ANKRD13B: variants seen among roughly 807,000 people sequenced by gnomAD.
ANKRD13B encodes the protein ankyrin repeat domain 13B.
A neutral mutation model predicts 74.4 loss-of-function variants in ANKRD13B; 33 were observed. The ratio of observed to expected loss-of-function variants is 0.44; its 90% CI spans 0.34 to 0.59. The LOEUF is 0.59. Among genes scored for constraint, ANKRD13B ranks in the 20% least tolerant of loss-of-function variants. The probability of loss-of-function intolerance (pLI) is 0.02; values close to 1 mark genes in which losing one functional copy is unlikely to be tolerated. For missense variants in ANKRD13B, 676 were observed against 877.9 expected, an observed-to-expected ratio of 0.77 and a Z score of 2.91; for synonymous variants, 341 against 362.9, an observed-to-expected ratio of 0.94 and a Z score of 0.68.
chr17:29,610,615 A>G, intron 7 of ANKRD13B, 70 bp from the exon 8 acceptor site: 1 of 1,435,692 alleles, frequency 7.0e-7, no homozygotes, highest in Non-Finnish European at 9.6e-7. Context: ...GAGTGTTCCC[A>G]GTGCCCTTAG....
intron 1 of ANKRD13B, among the ~76,000 whole-genome samples, chr17:29,595,460 C>T (rs984233580): frequency 6.6e-6 from 1 of 152,216 alleles, no homozygotes; most frequent in Non-Finnish European, 1.5e-5. Context: ...GGTCCTTTTA[C>T]TGCAGAGACT....
At position 29,609,094 on chromosome 17, in the gene ANKRD13B, G is replaced by A. The variant is rs758423328; in HGVS notation, c.574G>A (p.Ala192Thr). ...SFVFRGQDTSAVVMEIDHDRR... is the reference protein window; with the variant it reads ...SFVFRGQDTSTVVMEIDHDRR... ...TGTTCCGTGTCTGGCAGACACAAGC[G>A]CCGTGGTCATGGAGATTGACCACGA... The change falls in exon 6 of 15, where the codon GCC becomes ACC. Residue 192 changes from alanine to threonine, a missense_variant. Ala to Thr is a moderately conservative substitution (Grantham distance 58, BLOSUM62 0). Coordinates refer to ENST00000394859, the MANE Select transcript of ANKRD13B (RefSeq NM_152345.5). This position sits in a 1 kb window ranked among gnomAD's most constrained non-coding sequence, Gnocchi z 4.0. The A allele has an allele frequency of 6.8e-6, 11 of 1,610,408 alleles. No homozygotes were observed. Among genetic ancestry groups the A allele is most frequent in the Admixed American group, 1.7e-5 (1 of 59,998 alleles).
At position 29,609,118 on chromosome 17, in the gene ANKRD13B, G is replaced by A. The variant is rs546096254; in HGVS notation, c.598G>A (p.Asp200Asn). The A allele has an allele frequency of 4.3e-6, 7 of 1,611,048 alleles. No individual in the cohort carries two copies. The highest frequency in any genetic ancestry group is 2.2e-5 in the East Asian group (1 of 44,878). Residue 200 changes from aspartate to asparagine, a missense_variant, in exon 6 of 15, where the codon GAC (aspartate) becomes AAC (asparagine). By Grantham distance (23) the Asp-to-Asn change is conservative (BLOSUM62 1). Coordinates refer to ENST00000394859, the MANE Select transcript of ANKRD13B (RefSeq NM_152345.5). This position sits in a 1 kb window ranked among gnomAD's most constrained non-coding sequence, Gnocchi z 4.0. ...CGCCGTGGTCATGGAGATTGACCAC[G>A]ACCGCCGGGTGGTGTACACAGAGAC... ...TSAVVMEIDHDRRVVYTETLA... is the reference protein window; with the variant it reads ...TSAVVMEIDHNRRVVYTETLA...
In ANKRD13B at chr17:29,612,305, G is replaced by A. The variant is rs772449873; in HGVS notation, c.1258+32G>A. On this transcript the variant is annotated intron_variant, in intron 11 of 14. Coordinates refer to ENST00000394859, the MANE Select transcript of ANKRD13B (RefSeq NM_152345.5). The surrounding 1 kb of genome is among the most constrained non-coding windows in gnomAD (Gnocchi z 6.1). ...CCGCACGGCCATTTCTCCTGAGCCC[G>A]TGGCGGGCCGACCGGGGTTTAGATG... 3.7e-6 allele frequency: 6 copies of A among 1,612,686 alleles called. No homozygotes were observed. Among genetic ancestry groups the A allele is most frequent in the African/African-American group, 2.7e-5 (2 of 74,892 alleles).
intron 1 of ANKRD13B, among the ~76,000 whole-genome samples, chr17:29,603,029 T>G (rs2034238060): frequency 6.6e-6 from 1 of 152,028 alleles, no homozygotes; most frequent in South Asian, 2.1e-4. Flanking sequence ...TTTTGTATTT[T>G]TAGTAAAAAT....
chr17:29,594,241 C>A lies in ANKRD13B; in HGVS notation c.114+506C>A, dbSNP rs538454168. Among the ~76,000 whole-genome samples the A allele has an allele frequency of 9.8e-5, 15 of 152,340 alleles. No individual in the cohort carries two copies. The South Asian group carries it at 2.7e-3, about 27-fold the overall frequency. ...TCTCAAACTGGGCAGATCCTTGGAT[C>A]TCTCAGAGCCCAGCCCCAGCTCAGG... is the stretch of plus-strand genomic sequence containing the variant. On this transcript the variant is annotated intron_variant, in intron 1 of 14. Coordinates refer to ENST00000394859, the MANE Select transcript of ANKRD13B (RefSeq NM_152345.5).
At chr17:29,605,199 A>T (rs575443818) in intron 1 of ANKRD13B, among the ~76,000 whole-genome samples, 2 of 152,092 alleles carry the variant, frequency 1.3e-5, no homozygotes, top group Admixed American at 1.3e-4. Flanking sequence ...TCCTGTCTCC[A>T]TCTTCTCAAC....
At chr17:29,599,870 T>TG (rs1567786145) in intron 1 of ANKRD13B, among the ~76,000 whole-genome samples, 6 of 111,686 alleles carry the variant, frequency 5.4e-5, no homozygotes, top group East Asian at 2.2e-4. Context: ...AATTTGTTTT[T>TG]TTTTTTTTTT....
Position 29,612,527 on chromosome 17 carries a change from T to G in ANKRD13B, c.1384T>G (p.Ser462Ala). The change falls in exon 12 of 15, where the codon TCC becomes GCC. Residue 462 changes from serine to alanine, a missense_variant. Ser to Ala is a moderately conservative substitution (Grantham distance 99). Around this residue, in one of 4 missense-constraint regions of ANKRD13B, gnomAD observed 152 missense variants for 181.4 expected, o/e 0.84. Transcript: ENST00000394859. The surrounding 1 kb of genome is among the most constrained non-coding windows in gnomAD (Gnocchi z 6.1). ...GACGCCTTCCCCAGGCAGCGACTCC[T>G]CCAGCGTCAGCAGCTCCAGCTCCAC... ...SETPSPGSDSSSVSSSSSTTS... is the reference protein window; with the variant it reads ...SETPSPGSDSASVSSSSSTTS... 6.5e-7 allele frequency: 1 copy of G among 1,529,498 alleles called. No homozygotes were observed. The highest frequency in any genetic ancestry group is 2.0e-5 in the Admixed American group (1 of 49,940). 94.7% of individuals were successfully genotyped at this position (1,529,498 alleles called of 1,614,324 possible). A position where few individuals can be genotyped will look rare whatever the true frequency, so the allele number is the denominator to read the frequency against.
At chr17:29,600,733 G>A (rs1371107621) in intron 1 of ANKRD13B, among the ~76,000 whole-genome samples, 1 of 152,040 alleles carries the variant, frequency 6.6e-6, no homozygotes, top group Non-Finnish European at 1.5e-5. Context: ...TTTCAGGGGG[G>A]CTGGGGGTCA....
Position 29,613,373 on chromosome 17 carries a change from C to T in ANKRD13B, c.1672C>T (p.Gln558Ter), listed in dbSNP as rs1415693264. Residue 558 changes from glutamine (Q) to a stop codon, truncating the protein, a stop_gained, in exon 15 of 15, where the codon CAG becomes TAG. Transcript: ENST00000394859. LOFTEE classifies it high-confidence loss of function. ...RQDRSAPPTP[Q>*]RQPAPPASVP... is the part of the protein sequence containing the mutation. ...CCCCAGGAGCGCCCCGCCCACGCCG[C>T]AGCGCCAGCCTGCGCCCCCGGCGTC... is the stretch of plus-strand genomic sequence containing the variant. 26 of 1,473,472 alleles carry T rather than the reference C, an allele frequency of 1.8e-5. No individual in the cohort carries two copies. Among genetic ancestry groups the T allele is most frequent in the Non-Finnish European group, 2.3e-5 (26 of 1,119,514 alleles). The allele number at this position is 1,473,472 out of a possible 1,614,324, so 91.3% of individuals were successfully genotyped here.
In ANKRD13B at chr17:29,611,589, A is replaced by G; in HGVS notation, c.915A>G (p.Thr305=). 1 of 1,614,114 alleles carries G rather than the reference A, an allele frequency of 6.2e-7. No individual in the cohort carries two copies. Among genetic ancestry groups the G allele is most frequent in the Non-Finnish European group, 8.5e-7 (1 of 1,179,998 alleles). ...QHKGKVKGCK[T]PLQSFLGIAE... Reference sequence around the variant, plus strand: ...CCACATTTCTTGTAGGCTGTAAGACACCTTTGCAGTCCTTCCTGGGAATCG... The same window carrying G: ...CCACATTTCTTGTAGGCTGTAAGACGCCTTTGCAGTCCTTCCTGGGAATCG... The change falls in exon 9 of 15, where the codon ACA becomes ACG. Residue 305 remains threonine (T), a synonymous_variant. Coordinates refer to ENST00000394859, the MANE Select transcript of ANKRD13B (RefSeq NM_152345.5). The surrounding 1 kb of genome is among the most constrained non-coding windows in gnomAD (Gnocchi z 4.3).
rs2033844006 is a variant in ANKRD13B, at chr17:29,593,656, C to G, written c.35C>G (p.Pro12Arg). Residue 12 changes from proline to arginine, a missense_variant, in exon 1 of 15, where the codon CCC becomes CGC. This residue lies in a region of ANKRD13B where 88 missense variants were observed against 87.8 expected (regional missense o/e 1.00). Coordinates refer to ENST00000394859, the MANE Select transcript of ANKRD13B (RefSeq NM_152345.5). ...GCCAACGCCTCCGCCAGGAAGGGGC[C>G]CGAGGGCAAGTATCCGCTGCACTAC... is the stretch of plus-strand genomic sequence containing the variant. Reference protein sequence around the residue: ...IPANASARKGPEGKYPLHYLV... With the variant: ...IPANASARKGREGKYPLHYLV... 7.0e-7 allele frequency: 1 copy of G among 1,424,496 alleles called. No individual in the cohort carries two copies. Among genetic ancestry groups the G allele is most frequent in the South Asian group, 1.4e-5 (1 of 70,068 alleles). 88.2% of individuals were successfully genotyped at this position (1,424,496 alleles called of 1,614,324 possible).
chr17:29,598,415 C>T (rs2034034924), intron 1 of ANKRD13B, among the ~76,000 whole-genome samples: 2 of 152,136 alleles, frequency 1.3e-5, no homozygotes, highest in South Asian at 2.1e-4. Context: ...CCCACCTCCC[C>T]AGCACTCTGG....
In ANKRD13B at chr17:29,612,711, A is replaced by T. The variant is rs1300857880; in HGVS notation, c.1471A>T (p.Met491Leu). ...ALFEAPRGYS[M>L]MGGQREAATR... ...GTTCGAGGCCCCGCGCGGCTACAGCATGATGGGCGGCCAGCGGGAGGCGGC... is the reference window on the plus strand; with the variant it reads ...GTTCGAGGCCCCGCGCGGCTACAGCTTGATGGGCGGCCAGCGGGAGGCGGC... Residue 491 changes from methionine (M) to leucine (L), a missense_variant, in exon 13 of 15, where the codon ATG becomes TTG. By Grantham distance (15) the Met-to-Leu change is conservative. Around this residue, in one of 4 missense-constraint regions of ANKRD13B, gnomAD observed 152 missense variants for 181.4 expected, o/e 0.84. Coordinates refer to ENST00000394859, the MANE Select transcript of ANKRD13B (RefSeq NM_152345.5). The surrounding 1 kb of genome is among the most constrained non-coding windows in gnomAD (Gnocchi z 6.1). 1 of 1,599,752 alleles carries T rather than the reference A, an allele frequency of 6.3e-7. No individual in the cohort carries two copies. Among genetic ancestry groups the T allele is most frequent in the Non-Finnish European group, 8.5e-7 (1 of 1,178,126 alleles).
chr17:29,612,469 G>C lies in ANKRD13B; in HGVS notation c.1326G>C (p.Pro442=). The C allele has an allele frequency of 6.3e-7, 1 of 1,599,138 alleles. No homozygotes were observed. Among genetic ancestry groups the C allele is most frequent in the Non-Finnish European group, 8.5e-7 (1 of 1,172,944 alleles). ...GGAACCTCAACGGCTGCGACGAACC[G>C]GTGCCATCGGTGCGAGGCAGCCCCA... ...TFGNLNGCDE[P]VPSVRGSPSS... The change falls in exon 12 of 15, where the codon CCG becomes CCC. Residue 442 remains proline (P), a synonymous_variant. Coordinates refer to ENST00000394859, the MANE Select transcript of ANKRD13B (RefSeq NM_152345.5). This position sits in a 1 kb window ranked among gnomAD's most constrained non-coding sequence, Gnocchi z 6.1.
Position 29,614,217 on chromosome 17 carries a change from T to A in ANKRD13B, c.*635T>A, listed in dbSNP as rs1443626305. Reference sequence around the variant, plus strand: ...CTCCTTGGGCAGCCAGAAGTTGGAGTCCCATCCCCCAAGGCACATTTTTTT... The same window carrying A: ...CTCCTTGGGCAGCCAGAAGTTGGAGACCCATCCCCCAAGGCACATTTTTTT... On this transcript the variant is annotated 3_prime_UTR_variant, in exon 15 of 15. Transcript: ENST00000394859. 1 of 146,202 alleles carries A rather than the reference T, an allele frequency of 6.8e-6. No homozygotes were observed. The highest frequency in any genetic ancestry group is 2.6e-5 in the African/African-American group (1 of 39,098). The allele number at this position is 146,202 out of a possible 1,614,324, so 9.1% of individuals were successfully genotyped here. A position where few individuals can be genotyped will look rare whatever the true frequency, so the allele number is the denominator to read the frequency against.
Position 29,613,570 on chromosome 17 carries a change from G to A in ANKRD13B, c.1869G>A (p.Leu623=), listed in dbSNP as rs1452692334. The change falls in exon 15 of 15, where the codon CTG becomes CTA. Residue 623 remains leucine (L), a synonymous_variant. Transcript: ENST00000394859. ...TGGAGCGCATCCTGAGGCTCTCACT[G>A]ACCGAGCAGTAGCGCCCCCTGCCGG... The part of the protein sequence containing the change: ...EELERILRLS[L]TEQ 2 of 1,476,330 alleles carry A rather than the reference G, an allele frequency of 1.4e-6. No individual in the cohort carries two copies. The highest frequency in any genetic ancestry group is 1.8e-6 in the Non-Finnish European group (2 of 1,112,842). 91.5% of individuals were successfully genotyped at this position (1,476,330 alleles called of 1,614,324 possible).
rs186213475 is a variant in ANKRD13B at position 29,601,623 on chromosome 17, C to G, written c.115-6119C>G. Among the ~76,000 whole-genome samples the G allele has an allele frequency of 1.3e-3, 200 of 152,258 alleles. 2 individuals carry two copies. The highest frequency in any genetic ancestry group is 3.4e-3 in the Middle Eastern group (1 of 294). ...CATTTTCTTTCCACCTGAAGAACTC[C>G]CTTTAACATTTCCTGCACATCTGGC... is the stretch of plus-strand genomic sequence containing the variant. On this transcript the variant is annotated intron_variant, in intron 1 of 14. Coordinates refer to ENST00000394859, the MANE Select transcript of ANKRD13B (RefSeq NM_152345.5).
Sources: gnomAD v4.1 joint callset for allele counts (sites outside exome capture counted in the v4.1 genomes callset) on GRCh38, gnomAD v4.1.1 for gene constraint, gnomAD v4.1.1 regional missense constraint, Gnocchi (gnomAD v3.1) non-coding constraint, MANE v1.5 for transcripts, NCBI Gene and HGNC (gene_info 2026-07-23, HGNC 2026-07-21) for gene names.